CENPC: variants seen among roughly 807,000 people sequenced by gnomAD.
CENPC encodes the protein centromere protein C.
A neutral mutation model predicts 112.1 loss-of-function variants in CENPC; 63 were observed. That is an observed-to-expected ratio of 0.56 (90% confidence interval 0.46 to 0.69). CENPC has a LOEUF of 0.69. CENPC is among the 30% of genes least tolerant of loss of function. The pLI is 0.00. For synonymous variants in CENPC, 333 were observed against 367.6 expected (o/e 0.91, Z 1.08); for missense variants, 1,000 against 1,103.8 (o/e 0.91, Z 1.33).
At chr4:67,530,786 C>T (rs952536454) in intron 5 of CENPC, 29 bp downstream of exon 5, 3 of 1,159,020 alleles carry the variant, frequency 2.6e-6, no homozygotes, top group African/African-American at 3.2e-5. Flanking sequence ...TATATCCAAG[C>T]AAATAATGCC....
chr4:67,474,806 A>C, intron 18 of CENPC, 82 bp downstream of exon 18: 1 of 784,430 alleles, frequency 1.3e-6, no homozygotes, highest in Admixed American at 2.4e-5. Context: ...ATCACACTTC[A>C]TTTTGACCAC....
In CENPC at chr4:67,490,837, A is replaced by AATAT. The variant is rs57498869; in HGVS notation, c.2516-720_2516-717dup. On this transcript the variant is annotated intron_variant, in intron 16 of 18. Coordinates refer to ENST00000273853, the MANE Select transcript of CENPC (RefSeq NM_001812.4). ...CTACAGACTACATGATATAGAAATAAATATATATATATATATATATATATA... is the reference window on the plus strand; with the variant it reads ...CTACAGACTACATGATATAGAAATAAATATATATATATATATATATATATATATA... 4.5e-3 allele frequency among the ~76,000 whole-genome samples: 254 copies of AATAT among 56,978 alleles called. 2 individuals carry two copies. Among genetic ancestry groups the AATAT allele is most frequent in the African/African-American group, 0.015 (244 of 16,720 alleles). 37.4% of individuals were successfully genotyped at this position (56,978 alleles called of 152,430 possible). A position where few individuals can be genotyped will look rare whatever the true frequency, so the allele number is the denominator to read the frequency against.
chr4:67,530,768 T>G (rs921064559), intron 5 of CENPC, 47 bp downstream of exon 5: 1 of 978,456 alleles, frequency 1.0e-6, no homozygotes, highest in Admixed American at 2.9e-5. Context: ...CGTTTCTCAT[T>G]TTTTAAATAT....
Position 67,525,883 on chromosome 4 carries a change from G to A in CENPC, c.331+4932C>T, listed in dbSNP as rs1578001113. ...AGACACATGCACATCTGTGTTTACT[G>A]CAGCACTATTTACAATAGCAAAGAC... On this transcript the variant is annotated intron_variant, in intron 5 of 18. Transcript: ENST00000273853. 2.6e-5 allele frequency among the ~76,000 whole-genome samples: 4 copies of A among 152,286 alleles called. No homozygotes were observed. In the South Asian group the frequency reaches 6.2e-4, roughly 24 times the overall value.
At chr4:67,480,961 A>G (rs1724941449) in intron 17 of CENPC, among the ~76,000 whole-genome samples, 1 of 152,200 alleles carries the variant, frequency 6.6e-6, no homozygotes, top group African/African-American at 2.4e-5. Flanking sequence ...CGGACAAAGG[A>G]AAGAAATAAA....
intron 4 of CENPC, among the ~76,000 whole-genome samples, chr4:67,535,726 A>G (rs1295783384): frequency 6.6e-6 from 1 of 152,202 alleles, no homozygotes; most frequent in African/African-American, 2.4e-5. Context: ...ATGATGTACT[A>G]AAGAATGGAA....
rs1182764983 is a variant in CENPC at position 67,471,033 on chromosome 4, G to A, written c.*1572C>T. 1 of 152,132 alleles carries A rather than the reference G, an allele frequency of 6.6e-6. No individual in the cohort carries two copies. The highest frequency in any genetic ancestry group is 1.5e-5 in the Non-Finnish European group (1 of 68,080). The allele number at this position is 152,132 out of a possible 1,614,324, so 9.4% of individuals were successfully genotyped here. On this transcript the variant is annotated 3_prime_UTR_variant, in exon 19 of 19. Coordinates refer to ENST00000273853, the MANE Select transcript of CENPC (RefSeq NM_001812.4). ...GAGCATGGCAAATGTAAAAACCAAG[G>A]GGAATTTGGGAACTGCCTCCTACAA...
Position 67,503,758 on chromosome 4 carries a change from T to C in CENPC, c.2131+1447A>G, listed in dbSNP as rs192562732. 1.1e-4 allele frequency among the ~76,000 whole-genome samples: 16 copies of C among 152,114 alleles called. No individual in the cohort carries two copies. The East Asian group carries it at 3.1e-3, about 29-fold the overall frequency. On this transcript the variant is annotated intron_variant, in intron 12 of 18. Transcript: ENST00000273853. ...TTTTCAAGCACCAATGGAAAAATTATAAAAACTAAGCATACACTAGACACT... is the reference window on the plus strand; with the variant it reads ...TTTTCAAGCACCAATGGAAAAATTACAAAAACTAAGCATACACTAGACACT...
chr4:67,490,441 T>C (rs956205851), intron 16 of CENPC, among the ~76,000 whole-genome samples: 1 of 152,182 alleles, frequency 6.6e-6, no homozygotes, highest in African/African-American at 2.4e-5. Context: ...GTGTGTAAAC[T>C]ATTTAAAATA....
intron 5 of CENPC, among the ~76,000 whole-genome samples, chr4:67,529,154 T>C (rs763790025): frequency 2.0e-4 from 31 of 152,316 alleles, no homozygotes; most frequent in Non-Finnish European, 3.4e-4. Flanking sequence ...TAAAGTCCTT[T>C]GCTCATCTTT....
In CENPC at chr4:67,519,255, C is replaced by A; in HGVS notation, c.579G>T (p.Leu193=). 6.3e-7 allele frequency: 1 copy of A among 1,597,876 alleles called. No homozygotes were observed. ...TYTFENSVNM[L]PSSTEVSVKT... is the part of the protein sequence containing the mutation. ...TAACTGAAACCTCTGTACTTGAAGG[C>A]AGCATATTTACTGAATTTTCAAAAG... The change falls in exon 6 of 19, where the codon CTG becomes CTT. Residue 193 remains leucine (L), a synonymous_variant. Transcript: ENST00000273853.
chr4:67,489,155 C>A (rs1725168177), intron 17 of CENPC, among the ~76,000 whole-genome samples: 1 of 151,054 alleles, frequency 6.6e-6, no homozygotes. Context: ...CAAACTCAGA[C>A]TACAAATATT....
intron 9 of CENPC, among the ~76,000 whole-genome samples, chr4:67,509,317 G>A (rs2109798392): frequency 6.7e-6 from 1 of 148,418 alleles, no homozygotes; most frequent in East Asian, 2.0e-4. Flanking sequence ...TCAGTTTATA[G>A]ATATATGAAA....
chr4:67,492,019 T>C (rs1473569108), intron 16 of CENPC, among the ~76,000 whole-genome samples, 161 bp downstream of exon 16: 1 of 152,172 alleles, frequency 6.6e-6, no homozygotes, highest in Non-Finnish European at 1.5e-5. Context: ...TCCCCCACAG[T>C]TGTCTTCACA....
chr4:67,486,220 CATGAATACTT>C (rs1316137999), intron 17 of CENPC, among the ~76,000 whole-genome samples: 1 of 152,130 alleles, frequency 6.6e-6, no homozygotes, highest in Admixed American at 6.5e-5. Flanking sequence ...GATGAACTCT[CATGAATACTT>C]AATGCTAACC....
intron 2 of CENPC, 64 bp from the exon 3 acceptor site, chr4:67,541,114 G>A (rs1726877724): frequency 1.1e-5 from 11 of 993,812 alleles, no homozygotes; most frequent in Non-Finnish European, 1.5e-5. Context: ...CCATCTCTTT[G>A]AAAATTCCAC....
intron 12 of CENPC, among the ~76,000 whole-genome samples, chr4:67,502,348 T>C (rs1725613899): frequency 6.6e-6 from 1 of 152,188 alleles, no homozygotes; most frequent in Non-Finnish European, 1.5e-5. Flanking sequence ...TTCAATCATA[T>C]GCTGTTTCTT....
rs959328731 is a variant in CENPC, at chr4:67,545,460, G to C, written c.-105C>G. On this transcript the variant is annotated 5_prime_UTR_variant, in exon 1 of 19. Coordinates refer to ENST00000273853, the MANE Select transcript of CENPC (RefSeq NM_001812.4). ...ACGAATCGCCGGAATACCAGGCCGC[G>C]GCCAAGCAATAACCTTAAGTCTCAG... The C allele has an allele frequency of 1.6e-6, 2 of 1,261,254 alleles. No individual in the cohort carries two copies. Among genetic ancestry groups the C allele is most frequent in the Non-Finnish European group, 2.1e-6 (2 of 944,468 alleles). 78.1% of individuals were successfully genotyped at this position (1,261,254 alleles called of 1,614,324 possible).
chr4:67,533,806 G>A (rs1726630785), intron 4 of CENPC, among the ~76,000 whole-genome samples: 1 of 152,148 alleles, frequency 6.6e-6, no homozygotes, highest in South Asian at 2.1e-4. Context: ...GGGAGGCCAA[G>A]GCAGGAGTAT....
Sources: gnomAD v4.1 joint callset for allele counts (sites outside exome capture counted in the v4.1 genomes callset) on GRCh38, gnomAD v4.1.1 for gene constraint, MANE v1.5 for transcripts, NCBI Gene and HGNC (gene_info 2026-07-23, HGNC 2026-07-21) for gene names.